Variants in SMAP1 observed in about 807,000 individuals in gnomAD.
SMAP1 encodes the protein stromal membrane-associated protein 1.
A neutral mutation model predicts 58.5 loss-of-function variants in SMAP1; 24 were observed. That is an observed-to-expected ratio of 0.41 (90% CI 0.30 to 0.58). The LOEUF (loss-of-function observed/expected upper bound fraction) is 0.58, where lower values mean the gene tolerates loss of function less well. Among genes scored for constraint, SMAP1 ranks in the 20% least tolerant of loss-of-function variants. SMAP1 has a pLI of 0.29. For synonymous variants in SMAP1, 216 were observed against 196.6 expected (o/e 1.10, Z -0.82); for missense variants, 563 against 566.3 (o/e 0.99, Z 0.06).
At chr6:70,858,523 TCTCAGGCATCATGAGACTCC>T in intron 10 of SMAP1, 1 of 226,868 alleles carries the variant, frequency 4.4e-6, no homozygotes, top group East Asian at 1.1e-4. Flanking sequence ...CCAGAAATTA[TCTCAGGCATCATGAGACTCC>T]CTCTCTGTCA....
chr6:70,808,939 T>TAC (rs1769268520), intron 6 of SMAP1, among the ~76,000 whole-genome samples: 2 of 144,696 alleles, frequency 1.4e-5, no homozygotes, highest in South Asian at 4.5e-4. Flanking sequence ...TGTGTGTGTG[T>TAC]GTACACACTT....
At chr6:70,730,721 T>C (rs918044411) in intron 1 of SMAP1, among the ~76,000 whole-genome samples, 1 of 152,240 alleles carries the variant, frequency 6.6e-6, no homozygotes, top group African/African-American at 2.4e-5. Context: ...AGCTTTAATG[T>C]TGTTGTGTAG....
chr6:70,751,272 G>A (rs915346869), intron 2 of SMAP1, among the ~76,000 whole-genome samples: 1 of 152,000 alleles, frequency 6.6e-6, no homozygotes, highest in Non-Finnish European at 1.5e-5. Flanking sequence ...AATACGTTCA[G>A]TCTACTGGCA....
At chr6:70,746,948 A>G (rs1766069341) in intron 2 of SMAP1, among the ~76,000 whole-genome samples, 1 of 152,252 alleles carries the variant, frequency 6.6e-6, no homozygotes, top group Admixed American at 6.5e-5. Flanking sequence ...GTCCCCCTAT[A>G]GAGTACAGGA....
chr6:70,770,945 G>GT (rs1247250380), intron 3 of SMAP1, among the ~76,000 whole-genome samples: 1 of 152,160 alleles, frequency 6.6e-6, no homozygotes. Context: ...TGTCCTTTCT[G>GT]TTTGTTAGTT....
At chr6:70,859,214 T>TA (rs1236091596) in intron 10 of SMAP1, 2 of 655,384 alleles carry the variant, frequency 3.1e-6, no homozygotes, top group African/African-American at 1.8e-5. Flanking sequence ...GCTGGGAATC[T>TA]AAAAAATTGT....
intron 7 of SMAP1, among the ~76,000 whole-genome samples, chr6:70,839,957 C>A (rs1770739409): frequency 6.6e-6 from 1 of 152,088 alleles, no homozygotes; most frequent in South Asian, 2.1e-4. Flanking sequence ...TGGTGTCCAC[C>A]TTGGGCCTCA....
chr6:70,810,715 C>G (rs1291428441), intron 6 of SMAP1, among the ~76,000 whole-genome samples: 1 of 152,130 alleles, frequency 6.6e-6, no homozygotes. Flanking sequence ...GCTAGGACTA[C>G]AGGAGCATGC....
chr6:70,696,643 A>AGTTGTTTT (rs1318265442), intron 1 of SMAP1, among the ~76,000 whole-genome samples: 1 of 152,114 alleles, frequency 6.6e-6, no homozygotes, highest in Non-Finnish European at 1.5e-5. Flanking sequence ...GAATTTTAAG[A>AGTTGTTTT]GTTGTTTTGT....
chr6:70,718,070 C>T (rs111840243), intron 1 of SMAP1, among the ~76,000 whole-genome samples: 3,471 of 152,136 alleles, frequency 0.023, 151 homozygotes, highest in African/African-American at 0.08. Context: ...ACAAGCTCCC[C>T]TTCCAATTTT....
chr6:70,675,805 C>A (rs940188019), intron 1 of SMAP1, among the ~76,000 whole-genome samples: 1 of 152,134 alleles, frequency 6.6e-6, no homozygotes, highest in Non-Finnish European at 1.5e-5. Context: ...GCAGGCCTTG[C>A]GGTGGTTGGC....
At chr6:70,701,439 G>C (rs1292181845) in intron 1 of SMAP1, among the ~76,000 whole-genome samples, 1 of 152,108 alleles carries the variant, frequency 6.6e-6, no homozygotes, top group Non-Finnish European at 1.5e-5. Flanking sequence ...ACTTGCCTAG[G>C]GATTGCAGTC....
chr6:70,684,904 G>C (rs1167234622), intron 1 of SMAP1, among the ~76,000 whole-genome samples: 1 of 152,124 alleles, frequency 6.6e-6, no homozygotes, highest in Non-Finnish European at 1.5e-5. Context: ...TGAAGGCTCA[G>C]CTCTCCCACT....
At chr6:70,848,906 A>G (rs1356552801) in intron 7 of SMAP1, among the ~76,000 whole-genome samples, 3 of 152,248 alleles carry the variant, frequency 2.0e-5, no homozygotes, top group Admixed American at 6.5e-5. Context: ...TGCAAGGCTG[A>G]GAAGTTTTCA....
chr6:70,682,182 T>C (rs1478298194), intron 1 of SMAP1, among the ~76,000 whole-genome samples: 19 of 22,498 alleles, frequency 8.4e-4, no homozygotes, highest in African/African-American at 4.9e-3. Context: ...TTTTTTTTTT[T>C]TTTTTTTTTT....
At chr6:70,759,888 C>T (rs1197025572) in intron 3 of SMAP1, 2 of 448,450 alleles carry the variant, frequency 4.5e-6, no homozygotes, top group East Asian at 1.4e-4. Flanking sequence ...AGTGTTTGCC[C>T]TATGCCAAGC....
At chr6:70,790,471 A>C (rs1257408275) in intron 4 of SMAP1, among the ~76,000 whole-genome samples, 1 of 152,234 alleles carries the variant, frequency 6.6e-6, no homozygotes, top group Non-Finnish European at 1.5e-5. Flanking sequence ...CCAATAGGAC[A>C]AACCAGTTTT....
In SMAP1 at chr6:70,826,982, A is replaced by C. The variant is rs989151264; in HGVS notation, c.577-9959A>C. ...AAAAGAAAAAGAAAAGAAAAAAAAA[A>C]CCCCACAGTTCCTGTCAGACTAAGC... On this transcript the variant is annotated intron_variant, in intron 6 of 10. Coordinates refer to ENST00000370455, the MANE Select transcript of SMAP1 (RefSeq NM_001044305.3). Among the ~76,000 whole-genome samples, 514 of 151,006 alleles carry C rather than the reference A, an allele frequency of 3.4e-3. 1 individual carries two copies. Among genetic ancestry groups the C allele is most frequent in the Admixed American group, 5.9e-3 (89 of 15,146 alleles).
intron 2 of SMAP1, among the ~76,000 whole-genome samples, chr6:70,735,783 G>C (rs1765595395): frequency 6.6e-6 from 1 of 152,088 alleles, no homozygotes; most frequent in South Asian, 2.1e-4. Context: ...AGAAGTACTT[G>C]GGAGGTATTT....
Sources: allele counts gnomAD v4.1 joint callset (sites outside exome capture counted in the v4.1 genomes callset), GRCh38; gene constraint gnomAD v4.1.1; transcripts MANE v1.5; gene names NCBI Gene and HGNC (gene_info 2026-07-23, HGNC 2026-07-21).